Variants in NOX3 observed in about 807,000 individuals in gnomAD.
The protein encoded by NOX3 is NADPH oxidase 3.
Under a neutral mutation model 76.7 loss-of-function variants are expected in NOX3, and 74 were observed. That is an observed-to-expected ratio of 0.96 (90% confidence interval 0.80 to 1.17). NOX3 has a LOEUF of 1.17. NOX3 is among the 50% of genes most tolerant of loss of function. The pLI is 0.00. For missense variants in NOX3, 695 were observed against 703.3 expected (o/e 0.99, Z 0.13); for synonymous variants, 263 against 261.1 (o/e 1.01, Z -0.07).
chr6:155,426,282 C>G (rs749253874), intron 9 of NOX3, among the ~76,000 whole-genome samples: 4 of 152,134 alleles, frequency 2.6e-5, no homozygotes, highest in Non-Finnish European at 5.9e-5. Context: ...TACTGAGTGA[C>G]TGACAGTCAG....
At chr6:155,440,576 G>A (rs1776971100) in intron 5 of NOX3, among the ~76,000 whole-genome samples, 1 of 151,802 alleles carries the variant, frequency 6.6e-6, no homozygotes, top group African/African-American at 2.4e-5. Context: ...AGGAGTGTGA[G>A]GCTGCAATGA....
rs114565371 is a variant in NOX3, at chr6:155,419,445, A to T, written c.1308+3249T>A. 3.9e-3 allele frequency among the ~76,000 whole-genome samples: 590 copies of T among 152,298 alleles called. 3 individuals are homozygous for T. The highest frequency in any genetic ancestry group is 0.014 in the African/African-American group (567 of 41,562). On this transcript the variant is annotated intron_variant, in intron 10 of 13. Coordinates refer to ENST00000159060, the MANE Select transcript of NOX3 (RefSeq NM_015718.3). ...GCTCGAGGTGCAGATACTGACTTTC[A>T]TGGTCCTATGCAAAGCTAGGAGATT... is the stretch of plus-strand genomic sequence containing the variant.
At chr6:155,416,211 G>C (rs960591604) in intron 10 of NOX3, among the ~76,000 whole-genome samples, 5 of 152,204 alleles carry the variant, frequency 3.3e-5, no homozygotes, top group African/African-American at 1.2e-4. Context: ...ACCCCACACT[G>C]TGCAAAAGAA....
At position 155,454,845 on chromosome 6, in the gene NOX3, C is replaced by T. The variant is rs757425327; in HGVS notation, c.221G>A (p.Arg74Gln). The T allele has an allele frequency of 1.0e-5, 16 of 1,602,534 alleles. No individual in the cohort carries two copies. Among genetic ancestry groups the T allele is most frequent in the African/African-American group, 1.3e-5 (1 of 74,280 alleles). ...TCCTCTTATGAATGAAATAAGGTTT[C>T]GACTGACAGGTATTAGAATTAGCAT... ...NCMLILIPVS[R>Q]NLISFIRGTS... Residue 74 changes from arginine to glutamine, a missense_variant, in exon 3 of 14, where the codon CGA (arginine) becomes CAA (glutamine). Physicochemically the swap from Arg to Gln is conservative, Grantham distance 43. Transcript: ENST00000159060.
chr6:155,453,362 T>G (rs1562474428), intron 4 of NOX3, 42 bp downstream of exon 4: 1 of 1,391,732 alleles, frequency 7.2e-7, no homozygotes, highest in Non-Finnish European at 1.0e-6. Context: ...AAGTTAGGCA[T>G]CAGATATTGT....
chr6:155,410,318 T>TGTGTGTGC lies in NOX3; in HGVS notation c.1455+895_1455+896insGCACACAC, dbSNP rs1268997763. Among the ~76,000 whole-genome samples the TGTGTGTGC allele has an allele frequency of 2.0e-3, 307 of 151,516 alleles. 2 individuals are homozygous for TGTGTGTGC. The highest frequency in any genetic ancestry group is 6.5e-3 in the African/African-American group (266 of 41,048). On this transcript the variant is annotated intron_variant, in intron 11 of 13. Transcript: ENST00000159060. The stretch of plus-strand genomic sequence containing the variant: ...GCCAGTGTGTGTGTGTGTGTGTGTG[T>TGTGTGTGC]GCGCACGCATGTGTGTGTATGTGTG...
At chr6:155,418,775 A>C (rs1009444681) in intron 10 of NOX3, among the ~76,000 whole-genome samples, 1 of 152,260 alleles carries the variant, frequency 6.6e-6, no homozygotes, top group Non-Finnish European at 1.5e-5. Context: ...AGGGTAAAGA[A>C]GTTCTAGTTT....
intron 7 of NOX3, among the ~76,000 whole-genome samples, chr6:155,435,287 T>C (rs943863654): frequency 2.6e-5 from 4 of 152,100 alleles, no homozygotes; most frequent in Admixed American, 2.0e-4. Context: ...TGGGGGAGTA[T>C]TGATTTTTTT....
chr6:155,436,697 C>T, intron 6 of NOX3, 150 bp from the exon 7 acceptor site: 1 of 772,590 alleles, frequency 1.3e-6, no homozygotes, highest in Non-Finnish European at 2.0e-6. Context: ...TTCATTTCCC[C>T]CAGCTTCTTT....
intron 4 of NOX3, among the ~76,000 whole-genome samples, chr6:155,450,259 G>C (rs1320686963): frequency 6.6e-6 from 1 of 152,092 alleles, no homozygotes; most frequent in African/African-American, 2.4e-5. Context: ...AGGGAAAGAG[G>C]GAGAAAGAGC....
intron 11 of NOX3, among the ~76,000 whole-genome samples, chr6:155,410,319 G>A (rs1030081217): frequency 2.0e-5 from 3 of 151,126 alleles, no homozygotes; most frequent in Non-Finnish European, 4.4e-5. Context: ...GTGTGTGTGT[G>A]CGCACGCATG....
chr6:155,436,383 C>T (rs1310547767), intron 7 of NOX3, 35 bp downstream of exon 7: 2 of 1,612,626 alleles, frequency 1.2e-6, no homozygotes, highest in South Asian at 2.2e-5. Flanking sequence ...ACTGTGGTGA[C>T]ATTTATTTTT....
At chr6:155,405,337 G>A (rs1776433079) in intron 12 of NOX3, among the ~76,000 whole-genome samples, 1 of 152,154 alleles carries the variant, frequency 6.6e-6, no homozygotes, top group Admixed American at 6.5e-5. Context: ...GCAGATATGA[G>A]TGTCACGTAT....
chr6:155,397,703 G>A (rs552265685), intron 12 of NOX3, among the ~76,000 whole-genome samples: 1 of 152,058 alleles, frequency 6.6e-6, no homozygotes, highest in African/African-American at 2.4e-5. Context: ...GTTTTAAAAA[G>A]GTTAGTTATC....
At chr6:155,430,194 C>T (rs1050113847) in intron 8 of NOX3, among the ~76,000 whole-genome samples, 2 of 152,062 alleles carry the variant, frequency 1.3e-5, no homozygotes, top group Non-Finnish European at 2.9e-5. Context: ...TTTCACTCTC[C>T]TAGGCATGCA....
chr6:155,439,149 G>A (rs887346334), intron 6 of NOX3, among the ~76,000 whole-genome samples: 1 of 152,156 alleles, frequency 6.6e-6, no homozygotes, highest in African/African-American at 2.4e-5. Flanking sequence ...CAGGACTGTT[G>A]TGGGGGTCAA....
intron 8 of NOX3, among the ~76,000 whole-genome samples, chr6:155,429,525 A>T (rs1776804506): frequency 6.6e-6 from 1 of 152,238 alleles, no homozygotes; most frequent in Non-Finnish European, 1.5e-5. Context: ...CTAAGTGAAA[A>T]ACAATCTTCA....
At chr6:155,428,417 C>T (rs1776784560) in intron 9 of NOX3, among the ~76,000 whole-genome samples, 2 of 152,024 alleles carry the variant, frequency 1.3e-5, no homozygotes, top group South Asian at 2.1e-4. Flanking sequence ...TTATGAAGAC[C>T]TGACTTTACA....
In NOX3 at chr6:155,407,245, T is replaced by C; in HGVS notation, c.1465A>G (p.Ile489Val). The change falls in exon 12 of 14, where the codon ATA becomes GTA. Residue 489 changes from isoleucine to valine, a missense_variant. Coordinates refer to ENST00000159060, the MANE Select transcript of NOX3 (RefSeq NM_015718.3). ...TGWDENQALH[I>V]ALHWDENTDV... ...GTATTTTCGTCCCAGTGTAAAGCTA[T>C]GTGAAGAGCCTAAAGTAAATTTGTG... The C allele has an allele frequency of 6.2e-7, 1 of 1,613,540 alleles. No individual in the cohort carries two copies. The highest frequency in any genetic ancestry group is 8.5e-7 in the Non-Finnish European group (1 of 1,179,740).
Sources: allele counts gnomAD v4.1 joint callset (sites outside exome capture counted in the v4.1 genomes callset), GRCh38; gene constraint gnomAD v4.1.1; transcripts MANE v1.5; gene names NCBI Gene and HGNC (gene_info 2026-07-23, HGNC 2026-07-21).